PWWP3B: variants seen among roughly 807,000 people sequenced by gnomAD.
PWWP3B encodes the protein PWWP domain containing 3B.
PWWP3B carries 5 observed loss-of-function variants against 15.7 expected under a neutral mutation model. That is an observed-to-expected ratio of 0.32 (90% CI 0.17 to 0.67). The LOEUF is 0.67. Among genes scored for constraint, PWWP3B ranks in the 30% least tolerant of loss-of-function variants. The pLI is 0.74. For missense variants in PWWP3B, 519 were observed against 493.1 expected, an observed-to-expected ratio of 1.05 and a Z score of -0.50; for synonymous variants, 203 against 179.8, an observed-to-expected ratio of 1.13 and a Z score of -1.03.
rs767837174 is a variant in PWWP3B at position 106,207,089 on chromosome X, A to C, written c.1657A>C (p.Asn553His). Residue 553 changes from asparagine to histidine, a missense_variant, in exon 4 of 4, where the codon AAC becomes CAC. Physicochemically the swap from Asn to His is moderately conservative, Grantham distance 68 (BLOSUM62 1). Coordinates refer to ENST00000357175, the MANE Select transcript of PWWP3B (RefSeq NM_001171020.2). ...DRMKAARDRA[N>H]KNLVDFIVNA... ...GATGAAGGCTGCTCGGGACCGAGCC[A>C]ACAAGAACCTGGTGGACTTCATTGT... is the stretch of plus-strand genomic sequence containing the variant. 1.7e-6 allele frequency: 2 copies of C among 1,207,524 alleles called. No individual in the cohort carries two copies. The highest frequency in any genetic ancestry group is 3.5e-5 in the African/African-American group (2 of 57,909).
In PWWP3B at chrX:106,206,108, G is replaced by T; in HGVS notation, c.676G>T (p.Glu226Ter). The T allele has an allele frequency of 8.3e-7, 1 of 1,211,298 alleles. No homozygotes were observed. ...TATGTCTGTGCATTCTGCAGTCAAA[G>T]AGGAAAGTGCATGTGTTAAAGATGA... ...AVMSVHSAVKEESACVKDEKF... is the reference protein window; with the variant it reads ...AVMSVHSAVK Residue 226 changes from glutamate (E) to a stop codon, truncating the protein, a stop_gained, in exon 4 of 4, where the codon GAG becomes TAG. Transcript: ENST00000357175. LOFTEE classifies it low-confidence loss of function (END_TRUNC).
intron 1 of PWWP3B, among the ~76,000 whole-genome samples, chrX:106,169,981 TAA>T (rs200085269): frequency 0.03 from 3,369 of 111,853 alleles, 53 homozygotes; most frequent in Admixed American, 0.045. Context: ...ATTGGAGATA[TAA>T]GTGTTCTTAT....
intron 2 of PWWP3B, among the ~76,000 whole-genome samples, chrX:106,179,161 TAG>T (rs1922056377): frequency 8.9e-6 from 1 of 112,190 alleles, no homozygotes; most frequent in Non-Finnish European, 1.9e-5. Context: ...TGACAGCATG[TAG>T]AGTGTGATTC....
intron 2 of PWWP3B, among the ~76,000 whole-genome samples, chrX:106,193,564 G>A (rs1923153940): frequency 1.8e-5 from 2 of 111,652 alleles, no homozygotes; most frequent in South Asian, 7.5e-4. Flanking sequence ...TGTTATGTGT[G>A]AATTTGATCC....
chrX:106,186,352 C>T lies in PWWP3B; in HGVS notation c.-401+15213C>T, dbSNP rs142536831. ...CCAGGCAAACCAACACTCCCAACTC[C>T]GAAGCATTGGGGTTTGTTAGAGAGC... On this transcript the variant is annotated intron_variant, in intron 2 of 3. Transcript: ENST00000357175. Among the ~76,000 whole-genome samples the T allele has an allele frequency of 3.5e-3, 387 of 111,119 alleles. 1 individual carries two copies. The highest frequency in any genetic ancestry group is 0.01 in the African/African-American group (309 of 30,501).
intron 2 of PWWP3B, among the ~76,000 whole-genome samples, chrX:106,191,010 A>T (rs1187480845): frequency 1.8e-5 from 2 of 110,826 alleles, no homozygotes; most frequent in Non-Finnish European, 3.8e-5. Context: ...TTGGCTTAGG[A>T]TTGACTTGGC....
chrX:106,204,377 G>A (rs1923871406), intron 3 of PWWP3B, among the ~76,000 whole-genome samples: 1 of 112,173 alleles, frequency 8.9e-6, no homozygotes, highest in Admixed American at 9.5e-5. Flanking sequence ...ATAATTAAAA[G>A]TCGTAACTTC....
In PWWP3B at chrX:106,203,976, T is replaced by G. The variant is rs1274948432; in HGVS notation, c.-400-9T>G. 1 of 112,100 alleles carries G rather than the reference T, an allele frequency of 8.9e-6. No individual in the cohort carries two copies. The highest frequency in any genetic ancestry group is 3.2e-5 in the African/African-American group (1 of 30,803). The allele number at this position is 112,100 out of a possible 1,213,427, so 9.2% of individuals were successfully genotyped here. On this transcript the variant is annotated splice_polypyrimidine_tract_variant and intron_variant, in intron 2 of 3. Transcript: ENST00000357175. Reference sequence around the variant, plus strand: ...CGTTGGTTTTATTCCCTGCCTTCCTTTTGAACAGCATAGGTTAATATCAGA... The same window carrying G: ...CGTTGGTTTTATTCCCTGCCTTCCTGTTGAACAGCATAGGTTAATATCAGA...
rs781688049 is a variant in PWWP3B at position 106,184,930 on chromosome X, G to A, written c.-401+13791G>A. ...TTCCTTCTGGGTGGGGGAGATTAGAGGAGGCTTATCATTAATAGGAAGGGG... is the reference window on the plus strand; with the variant it reads ...TTCCTTCTGGGTGGGGGAGATTAGAAGAGGCTTATCATTAATAGGAAGGGG... On this transcript the variant is annotated intron_variant, in intron 2 of 3. Transcript: ENST00000357175. 4.5e-5 allele frequency among the ~76,000 whole-genome samples: 5 copies of A among 111,076 alleles called. No individual in the cohort carries two copies. The South Asian group carries it at 2.0e-3, about 44-fold the overall frequency.
intron 2 of PWWP3B, among the ~76,000 whole-genome samples, chrX:106,194,613 C>A (rs1281923620): frequency 8.9e-6 from 1 of 111,912 alleles, no homozygotes; most frequent in East Asian, 2.8e-4. Context: ...GGAGGAGAGG[C>A]ACTCTGATTT....
At chrX:106,192,307 A>G (rs1370300464) in intron 2 of PWWP3B, among the ~76,000 whole-genome samples, 1 of 111,907 alleles carries the variant, frequency 8.9e-6, no homozygotes, top group Non-Finnish European at 1.9e-5. Flanking sequence ...CATTTCTTCT[A>G]GATTTTCTAG....
rs373681436 is a variant in PWWP3B, at chrX:106,206,546, G to T, written c.1114G>T (p.Asp372Tyr). 11 of 1,207,201 alleles carry T rather than the reference G, an allele frequency of 9.1e-6. No homozygotes were observed. The highest frequency in any genetic ancestry group is 1.2e-5 in the Non-Finnish European group (11 of 893,879). The change falls in exon 4 of 4, where the codon GAT (aspartate) becomes TAT (tyrosine). Residue 372 changes from aspartate (D) to tyrosine (Y), a missense_variant. Transcript: ENST00000357175. ...CATTAATCTTTCTCTATTAGATGATGATGAGGAAGACGAAGAACTTCCACG... is the reference window on the plus strand; with the variant it reads ...CATTAATCTTTCTCTATTAGATGATTATGAGGAAGACGAAGAACTTCCACG... ...SRINLSLLDDDEEDEELPRFI... is the reference protein window; with the variant it reads ...SRINLSLLDDYEEDEELPRFI...
intron 2 of PWWP3B, among the ~76,000 whole-genome samples, chrX:106,173,937 G>T (rs1489838118): frequency 9.0e-6 from 1 of 111,442 alleles, no homozygotes; most frequent in East Asian, 2.8e-4. Flanking sequence ...CACACTGTCT[G>T]ATTTTTTGGC....
chrX:106,190,536 C>T (rs1475721407), intron 2 of PWWP3B, among the ~76,000 whole-genome samples: 1 of 111,489 alleles, frequency 9.0e-6, no homozygotes, highest in Admixed American at 9.5e-5. Context: ...TGTACAGAAG[C>T]TCTTTAGTTT....
chrX:106,179,130 G>A (rs903535130), intron 2 of PWWP3B, among the ~76,000 whole-genome samples: 4 of 111,903 alleles, frequency 3.6e-5, no homozygotes, highest in Non-Finnish European at 7.5e-5. Context: ...ACAATGAAAT[G>A]TATTTTATTA....
chrX:106,206,890 G>A lies in PWWP3B; in HGVS notation c.1458G>A (p.Thr486=), dbSNP rs764273897. 14 of 1,209,089 alleles carry A rather than the reference G, an allele frequency of 1.2e-5. No homozygotes were observed. The highest frequency in any genetic ancestry group is 1.8e-5 in the South Asian group (1 of 56,637). The change falls in exon 4 of 4, where the codon ACG becomes ACA. Residue 486 remains threonine (T), a synonymous_variant. Transcript: ENST00000357175. ...TTAGAATAGGTTGTGGTTCTTTCAC[G>A]GGCTCTTTGCTTGAGTATTATGCTG... ...YRVRIGCGSF[T]GSLLEYYAAD... is the part of the protein sequence containing the mutation.
intron 3 of PWWP3B, among the ~76,000 whole-genome samples, 157 bp from the exon 4 acceptor site, chrX:106,205,062 T>TC (rs374862925): frequency 1.7e-3 from 184 of 109,568 alleles, no homozygotes; most frequent in African/African-American, 5.1e-3. Context: ...TTTCCACCCC[T>TC]CCCCCCCGCA....
chrX:106,201,554 C>T (rs1258128488), intron 2 of PWWP3B, among the ~76,000 whole-genome samples: 1 of 112,786 alleles, frequency 8.9e-6, no homozygotes, highest in Non-Finnish European at 1.9e-5. Flanking sequence ...GTTGACATTT[C>T]ACTTAAAAGT....
chrX:106,208,609 C>A lies in PWWP3B; in HGVS notation c.*1086C>A, dbSNP rs1202885699. Reference sequence around the variant, plus strand: ...AAACTGCTTGAAGGAGTAGATGAACCAGAATCTGAGAATTTGGAAATAGGT... The same window carrying A: ...AAACTGCTTGAAGGAGTAGATGAACAAGAATCTGAGAATTTGGAAATAGGT... On this transcript the variant is annotated 3_prime_UTR_variant, in exon 4 of 4. Transcript: ENST00000357175. 8.1e-6 allele frequency: 1 copy of A among 123,811 alleles called. No homozygotes were observed. The highest frequency in any genetic ancestry group is 3.2e-5 in the African/African-American group (1 of 30,957). The allele number at this position is 123,811 out of a possible 1,213,427, so 10.2% of individuals were successfully genotyped here.
Sources: allele counts gnomAD v4.1 joint callset (sites outside exome capture counted in the v4.1 genomes callset), GRCh38; gene constraint gnomAD v4.1.1; transcripts MANE v1.5; gene names NCBI Gene and HGNC (gene_info 2026-07-23, HGNC 2026-07-21).